The following TTC6 variants were observed in gnomAD, a reference collection of about 807,000 sequenced individuals.
TTC6 encodes the protein tetratricopeptide repeat protein 6.
TTC6 carries 172 observed loss-of-function variants against 210.4 expected under a neutral mutation model. The ratio of observed to expected loss-of-function variants is 0.82; its 90% confidence interval spans 0.72 to 0.93. The LOEUF is 0.93. Among genes scored for constraint, TTC6 ranks in the 40% least tolerant of loss-of-function variants. The pLI, the probability that TTC6 is intolerant of heterozygous loss-of-function variation, is 0.00. For synonymous variants in TTC6, 804 were observed against 819.6 expected (o/e 0.98, Z 0.32); for missense variants, 2,414 against 2,318.1 (o/e 1.04, Z -0.85).
intron 29 of TTC6, among the ~76,000 whole-genome samples, chr14:37,839,242 A>G (rs1403351876): frequency 6.6e-6 from 1 of 152,172 alleles, no homozygotes; most frequent in Non-Finnish European, 1.5e-5. Context: ...CAATGGTTGA[A>G]CTAATTTACA....
intron 26 of TTC6, among the ~76,000 whole-genome samples, chr14:37,818,986 A>G (rs1566972777): frequency 6.6e-6 from 1 of 152,164 alleles, no homozygotes. Context: ...AGAGCCAGTA[A>G]ATTTCTCTGT....
chr14:37,757,124 A>T (rs1871499753), intron 14 of TTC6, among the ~76,000 whole-genome samples: 1 of 151,868 alleles, frequency 6.6e-6, no homozygotes, highest in Admixed American at 6.6e-5. Flanking sequence ...TAGATTTTCT[A>T]GTTTGTGTGG....
At chr14:37,719,477 T>C (rs894805798) in intron 6 of TTC6, among the ~76,000 whole-genome samples, 1 of 152,110 alleles carries the variant, frequency 6.6e-6, no homozygotes, top group African/African-American at 2.4e-5. Flanking sequence ...GTCATTAAGA[T>C]GGTGTGGTCT....
intron 25 of TTC6, among the ~76,000 whole-genome samples, chr14:37,813,751 G>C (rs184459012): frequency 1.5e-4 from 23 of 152,292 alleles, no homozygotes; most frequent in African/African-American, 5.5e-4. Context: ...CAGAGTTCCA[G>C]TCTTTGAGGA....
At chr14:37,774,926 G>A (rs993226046) in intron 14 of TTC6, among the ~76,000 whole-genome samples, 3 of 152,084 alleles carry the variant, frequency 2.0e-5, no homozygotes, top group African/African-American at 4.8e-5. Context: ...CTTGTTATTG[G>A]ACTATTCAGG....
rs35779497 is a variant in TTC6, at chr14:37,802,737, CTT to C, written c.4030-1930_4030-1929del. On this transcript the variant is annotated intron_variant, in intron 20 of 30. Coordinates refer to ENST00000553443, the Ensembl canonical transcript of TTC6. Reference sequence around the variant, plus strand: ...TAGCTTCATTGACTTTCTTTTTTCTCTTTTTTTTTTTTTTGAGATGGAGTCTT... The same window carrying C: ...TAGCTTCATTGACTTTCTTTTTTCTCTTTTTTTTTTTTGAGATGGAGTCTT... Among the ~76,000 whole-genome samples the C allele has an allele frequency of 2.7e-3, 374 of 136,338 alleles. 2 individuals carry two copies. The highest frequency in any genetic ancestry group is 7.9e-3 in the Middle Eastern group (2 of 252). 89.4% of individuals were successfully genotyped at this position (136,338 alleles called of 152,430 possible).
At chr14:37,630,167 A>G (rs570947119) in intron 1 of TTC6, among the ~76,000 whole-genome samples, 1 of 152,032 alleles carries the variant, frequency 6.6e-6, no homozygotes, top group Non-Finnish European at 1.5e-5. Context: ...TTTAACCGTC[A>G]TGTTAGGGTA....
At chr14:37,739,946 G>A (rs888497569) in intron 10 of TTC6, among the ~76,000 whole-genome samples, 1 of 151,954 alleles carries the variant, frequency 6.6e-6, no homozygotes, top group African/African-American at 2.4e-5. Context: ...GACAGATCAC[G>A]AGGTCAGGAG....
At chr14:37,840,892 G>A (rs2096208519) in intron 29 of TTC6, among the ~76,000 whole-genome samples, 3 of 144,026 alleles carry the variant, frequency 2.1e-5, no homozygotes, top group African/African-American at 7.7e-5. Context: ...TTTTTGAGAT[G>A]GAGTCTTGCT....
intron 1 of TTC6, among the ~76,000 whole-genome samples, chr14:37,651,825 A>C (rs114848436): frequency 8.5e-5 from 13 of 152,260 alleles, no homozygotes; most frequent in African/African-American, 2.6e-4. Context: ...TAGCGGGCAC[A>C]AATGGGGCGA....
intron 15 of TTC6, among the ~76,000 whole-genome samples, chr14:37,789,686 A>G (rs2096075223): frequency 6.7e-6 from 1 of 149,614 alleles, no homozygotes; most frequent in Non-Finnish European, 1.5e-5. Flanking sequence ...ATAAAAATAT[A>G]TACCATCTAG....
intron 1 of TTC6, among the ~76,000 whole-genome samples, chr14:37,676,030 T>C (rs1036622962): frequency 1.3e-5 from 2 of 152,066 alleles, no homozygotes; most frequent in Admixed American, 1.3e-4. Flanking sequence ...ACTTCCAGAA[T>C]ATTCTTGTTG....
Position 37,827,047 on chromosome 14 carries a change from CT to C in TTC6, c.5128-148del, listed in dbSNP as rs577960295. 1,257 of 575,474 alleles carry C rather than the reference CT, an allele frequency of 2.2e-3. 4 individuals carry two copies. Among genetic ancestry groups the C allele is most frequent in the Middle Eastern group, 8.6e-3 (19 of 2,214 alleles). 35.6% of individuals were successfully genotyped at this position (575,474 alleles called of 1,614,324 possible). A position where few individuals can be genotyped will look rare whatever the true frequency, so the allele number is the denominator to read the frequency against. On this transcript the variant is annotated intron_variant, in intron 28 of 30. Coordinates refer to ENST00000553443, the Ensembl canonical transcript of TTC6. ...AAACCAACTTCATACCAACTCCTTT[CT>C]CAAAATATTTGTTCTACTGGAGTTT...
At chr14:37,765,847 T>C (rs1418759590) in intron 14 of TTC6, among the ~76,000 whole-genome samples, 1 of 152,194 alleles carries the variant, frequency 6.6e-6, no homozygotes, top group African/African-American at 2.4e-5. Flanking sequence ...TTTAAAGCAC[T>C]TTAAATATGT....
chr14:37,826,045 A>G, intron 27 of TTC6, 150 bp from the exon 30 acceptor site: 1 of 648,966 alleles, frequency 1.5e-6, no homozygotes, highest in Non-Finnish European at 2.4e-6. Context: ...GTATGCATTC[A>G]GTATGCCTAC....
chr14:37,663,782 A>G (rs2095742247), intron 1 of TTC6, among the ~76,000 whole-genome samples: 1 of 152,092 alleles, frequency 6.6e-6, no homozygotes, highest in Admixed American at 6.6e-5. Context: ...AGCTTCTTAC[A>G]TTGATAAGCA....
At chr14:37,782,643 G>A (rs1171200535) in intron 14 of TTC6, among the ~76,000 whole-genome samples, 2 of 151,998 alleles carry the variant, frequency 1.3e-5, no homozygotes, top group Non-Finnish European at 1.5e-5. Context: ...TAATTGCCCT[G>A]GCCAGAACTT....
At chr14:37,777,500 A>G (rs2096041362) in intron 14 of TTC6, among the ~76,000 whole-genome samples, 1 of 151,998 alleles carries the variant, frequency 6.6e-6, no homozygotes, top group South Asian at 2.1e-4. Flanking sequence ...TATCTGCTGT[A>G]TCATTTTATT....
chr14:37,674,950 A>C (rs545227983), intron 1 of TTC6, among the ~76,000 whole-genome samples: 1 of 152,204 alleles, frequency 6.6e-6, no homozygotes, highest in Non-Finnish European at 1.5e-5. Context: ...TGTAGTAACT[A>C]TCATGTATAA....
Sources: allele counts gnomAD v4.1 joint callset (sites outside exome capture counted in the v4.1 genomes callset), GRCh38; gene constraint gnomAD v4.1.1; transcripts MANE v1.5; gene names NCBI Gene and HGNC (gene_info 2026-07-23, HGNC 2026-07-21).